Variants in OTOGL observed in about 807,000 individuals in gnomAD.
The protein encoded by OTOGL is otogelin-like protein.
In OTOGL, 285 loss-of-function variants were observed where a neutral mutation model predicts 318.5. The observed-to-expected ratio is 0.89, with a 90% confidence interval of 0.81 to 0.99. The LOEUF (loss-of-function observed/expected upper bound fraction) is 0.99. Among genes scored for constraint, OTOGL ranks in the 50% least tolerant of loss-of-function variants. OTOGL has a pLI of 0.00. For synonymous variants in OTOGL, 987 were observed against 936.5 expected (o/e 1.05, Z -0.99); for missense variants, 2,899 against 2,845.6 (o/e 1.02, Z -0.43).
intron 26 of OTOGL, among the ~76,000 whole-genome samples, chr12:80,292,888 T>G (rs1481749407): frequency 6.6e-6 from 1 of 152,206 alleles, no homozygotes; most frequent in African/African-American, 2.4e-5. Context: ...AATTTTAACA[T>G]ACCAACGAAG....
chr12:80,334,341 C>T (rs368621963), intron 38 of OTOGL, among the ~76,000 whole-genome samples: 6 of 152,248 alleles, frequency 3.9e-5, no homozygotes, highest in Middle Eastern at 3.4e-3. Context: ...TTGGGGAGTG[C>T]ATGTCTGGGA....
intron 1 of OTOGL, among the ~76,000 whole-genome samples, chr12:80,117,720 C>G (rs1427859753): frequency 5.9e-5 from 9 of 152,186 alleles, no homozygotes; most frequent in Admixed American, 5.9e-4. Flanking sequence ...ATTAAACCTG[C>G]CTTTTCTACC....
At chr12:80,349,272 G>GT (rs1303351053) in intron 44 of OTOGL, among the ~76,000 whole-genome samples, 2 of 152,004 alleles carry the variant, frequency 1.3e-5, no homozygotes, top group Non-Finnish European at 2.9e-5. Context: ...GATGTGCCAG[G>GT]TTTTTTTCTG....
chr12:80,329,128 A>T lies in OTOGL; in HGVS notation c.4348+9A>T. 1 of 1,503,440 alleles carries T rather than the reference A, an allele frequency of 6.7e-7. No homozygotes were observed. The highest frequency in any genetic ancestry group is 8.8e-7 in the Non-Finnish European group (1 of 1,131,714). 93.1% of individuals were successfully genotyped at this position (1,503,440 alleles called of 1,614,324 possible). A position where few individuals can be genotyped will look rare whatever the true frequency, so the allele number is the denominator to read the frequency against. On this transcript the variant is annotated intron_variant, in intron 37 of 58. Coordinates refer to ENST00000547103, the MANE Select transcript of OTOGL (RefSeq NM_001378609.3). ...TGTGCCCATGTTTACAGGTATTGTT[A>T]TAATTTTAGACAACAAAAGTAGCAC...
intron 44 of OTOGL, among the ~76,000 whole-genome samples, chr12:80,351,897 A>T (rs769385624): frequency 2.6e-4 from 40 of 152,322 alleles, no homozygotes; most frequent in Admixed American, 1.0e-3. Context: ...AGCATTTGTA[A>T]CTTTACTTAA....
At position 80,356,694 on chromosome 12, in the gene OTOGL, A is replaced by G. The variant is rs551023991; in HGVS notation, c.5912-113A>G. The stretch of plus-strand genomic sequence containing the variant: ...CTTTCATATATATGTATATATATAT[A>G]TGATTAAGAACTTTAAAATAAGTTA... On this transcript the variant is annotated intron_variant, in intron 48 of 58. Transcript: ENST00000547103. 19 of 647,868 alleles carry G rather than the reference A, an allele frequency of 2.9e-5. No homozygotes were observed. In the East Asian group the frequency reaches 5.5e-4, roughly 19 times the overall value. The allele number at this position is 647,868 out of a possible 1,614,324, so 40.1% of individuals were successfully genotyped here.
At chr12:80,150,183 G>T (rs1457792721) in intron 1 of OTOGL, among the ~76,000 whole-genome samples, 1 of 152,186 alleles carries the variant, frequency 6.6e-6, no homozygotes, top group Non-Finnish European at 1.5e-5. Context: ...CAAAGGTCCT[G>T]TTCCCTGGAA....
In OTOGL at chr12:80,325,812, A is replaced by C. The variant is rs372853353; in HGVS notation, c.4199+1972A>C. Among the ~76,000 whole-genome samples the C allele has an allele frequency of 3.7e-4, 56 of 152,284 alleles. No individual in the cohort carries two copies. In the East Asian group the frequency reaches 9.1e-3, roughly 25 times the overall value. On this transcript the variant is annotated intron_variant, in intron 35 of 58. Transcript: ENST00000547103. ...GAAGACAGCAGCAGGCACAGCTGGC[A>C]GGGCACTGGGGAGGACATTGAGCCA...
In OTOGL at chr12:80,336,884, G is replaced by A. The variant is rs10862093; in HGVS notation, c.4768-28G>A. Reference sequence around the variant, plus strand: ...TATCACTACAATTGTGTTTAACTCCGTAAAGTTTTAATTTTTTTCAAATTA... The same window carrying A: ...TATCACTACAATTGTGTTTAACTCCATAAAGTTTTAATTTTTTTCAAATTA... On this transcript the variant is annotated intron_variant, in intron 41 of 58. Coordinates refer to ENST00000547103, the MANE Select transcript of OTOGL (RefSeq NM_001378609.3). 926,056 of 1,545,398 alleles carry A rather than the reference G, an allele frequency of 0.6. 284,630 individuals are homozygous for A. Among genetic ancestry groups the A allele is most frequent in the East Asian group, 0.73 (30,160 of 41,462 alleles).
Position 80,355,242 on chromosome 12 carries a change from T to G in OTOGL, c.5594-494T>G, listed in dbSNP as rs1327402366. Among the ~76,000 whole-genome samples the G allele has an allele frequency of 2.7e-5, 4 of 146,174 alleles. No individual in the cohort carries two copies. The East Asian group carries it at 7.9e-4, about 29-fold the overall frequency. On this transcript the variant is annotated intron_variant, in intron 46 of 58. Transcript: ENST00000547103. ...TTTCTTTCTTTTCTTTTTTTTTTTT[T>G]TTTTTTGAGACAGGATCTACTCTGT...
chr12:80,138,396 A>G (rs140893580), intron 1 of OTOGL, among the ~76,000 whole-genome samples: 1 of 152,210 alleles, frequency 6.6e-6, no homozygotes, highest in Non-Finnish European at 1.5e-5. Flanking sequence ...TGATTTTAGC[A>G]CAGTTCTTGG....
In OTOGL at chr12:80,279,065, C is replaced by G. The variant is rs1421669287; in HGVS notation, c.2827C>G (p.Pro943Ala). The change falls in exon 26 of 59, where the codon CCA (proline) becomes GCA (alanine). Residue 943 changes from proline (P) to alanine (A), a missense_variant. Around this residue, in one of 3 missense-constraint regions of OTOGL, gnomAD observed 2,607 missense variants for 2,524.9 expected, o/e 1.03. Coordinates refer to ENST00000547103, the MANE Select transcript of OTOGL (RefSeq NM_001378609.3). Reference sequence around the variant, plus strand: ...AGGAATGTTCAATTGCACATATTATCCATGCCCAGCAGTGTGCACAATATA... The same window carrying G: ...AGGAATGTTCAATTGCACATATTATGCATGCCCAGCAGTGTGCACAATATA... ...RRGMFNCTYY[P>A]CPAVCTIYGD... 4.8e-6 allele frequency: 7 copies of G among 1,458,198 alleles called. No homozygotes were observed. In the East Asian group the frequency reaches 2.1e-4, roughly 43 times the overall value. 90.3% of individuals were successfully genotyped at this position (1,458,198 alleles called of 1,614,324 possible).
chr12:80,273,865 A>G (rs1051097630), intron 24 of OTOGL, among the ~76,000 whole-genome samples: 4 of 151,990 alleles, frequency 2.6e-5, no homozygotes, highest in African/African-American at 7.2e-5. Flanking sequence ...TTTCATTATC[A>G]TTATATCTGT....
intron 22 of OTOGL, among the ~76,000 whole-genome samples, chr12:80,268,496 T>C (rs1247746372): frequency 6.6e-6 from 1 of 152,126 alleles, no homozygotes; most frequent in East Asian, 1.9e-4. Context: ...CAGCAGAATA[T>C]TGATTATGCT....
In OTOGL at chr12:80,324,086, C is replaced by T. The variant is rs117147269; in HGVS notation, c.4199+246C>T. 9.5e-3 allele frequency among the ~76,000 whole-genome samples: 1,443 copies of T among 152,200 alleles called. 40 individuals carry two copies. The South Asian group carries it at 0.11, about 11-fold the overall frequency. ...CAAGTACTTGCCCTCATGAAGCTTA[C>T]ATATTGTTGGATTGAGCAGAAAATA... On this transcript the variant is annotated intron_variant, in intron 35 of 58. Coordinates refer to ENST00000547103, the MANE Select transcript of OTOGL (RefSeq NM_001378609.3).
intron 30 of OTOGL, among the ~76,000 whole-genome samples, chr12:80,311,133 C>T (rs1160592148): frequency 2.6e-5 from 4 of 152,156 alleles, no homozygotes; most frequent in African/African-American, 9.7e-5. Flanking sequence ...AAGCACATCC[C>T]AAGATGGAAT....
chr12:80,249,047 A>T (rs2137482206), intron 11 of OTOGL, among the ~76,000 whole-genome samples: 1 of 145,746 alleles, frequency 6.9e-6, no homozygotes, highest in Non-Finnish European at 1.5e-5. Context: ...TGTATTGGTT[A>T]TTCTAGTTAT....
chr12:80,367,664 G>A lies in OTOGL; in HGVS notation c.6435G>A (p.Leu2145=). Residue 2145 remains leucine (L), a synonymous_variant, in exon 54 of 59, where the codon CTG becomes CTA. Transcript: ENST00000547103. ...ACTTTTGTTATGCTATAGAGTGTCT[G>A]GAAGAAAAAGATAACCATACGGGCT... The part of the protein sequence containing the change: ...EEDFCYAIEC[L]EEKDNHTGFH... 6.7e-7 allele frequency: 1 copy of A among 1,496,558 alleles called. No homozygotes were observed. Among genetic ancestry groups the A allele is most frequent in the Non-Finnish European group, 8.9e-7 (1 of 1,118,268 alleles). The allele number at this position is 1,496,558 out of a possible 1,614,324, so 92.7% of individuals were successfully genotyped here. A position where few individuals can be genotyped will look rare whatever the true frequency, so the allele number is the denominator to read the frequency against.
chr12:80,323,478 G>A (rs919893340), intron 34 of OTOGL, among the ~76,000 whole-genome samples: 3 of 152,044 alleles, frequency 2.0e-5, no homozygotes, highest in African/African-American at 4.8e-5. Flanking sequence ...GCAAAACCCC[G>A]TCTCTATTAA....
Sources: allele counts gnomAD v4.1 joint callset (sites outside exome capture counted in the v4.1 genomes callset), GRCh38; gene constraint gnomAD v4.1.1; regional missense constraint gnomAD v4.1.1; transcripts MANE v1.5; gene names NCBI Gene and HGNC (gene_info 2026-07-23, HGNC 2026-07-21).